NLGN1: variants seen among roughly 807,000 people sequenced by gnomAD.
The protein encoded by NLGN1 is neuroligin 1.
A neutral mutation model predicts 65.5 loss-of-function variants in NLGN1; 12 were observed. The observed-to-expected ratio is 0.18, with a 90% CI of 0.12 to 0.30. The LOEUF (loss-of-function observed/expected upper bound fraction) is 0.30, where lower values mean the gene tolerates loss of function less well. NLGN1 is among the 10% of genes least tolerant of loss of function. The pLI is 1.00. For synonymous variants in NLGN1, 350 were observed against 359.5 expected (o/e 0.97, Z 0.30); for missense variants, 750 against 1,007.1 (o/e 0.74, Z 3.46).
intron 4 of NLGN1, among the ~76,000 whole-genome samples, chr3:173,887,023 T>G (rs1276240163): frequency 6.6e-6 from 1 of 152,104 alleles, no homozygotes; most frequent in Non-Finnish European, 1.5e-5. Flanking sequence ...CCTTGAGATA[T>G]TCACCTTTCA....
intron 3 of NLGN1, among the ~76,000 whole-genome samples, chr3:173,787,251 G>C (rs1782137136): frequency 6.6e-6 from 1 of 152,056 alleles, no homozygotes; most frequent in Admixed American, 6.6e-5. Flanking sequence ...AAAGTCAACT[G>C]TATATTTTTA....
At chr3:173,831,667 GT>G (rs1174079387) in intron 4 of NLGN1, among the ~76,000 whole-genome samples, 1 of 152,172 alleles carries the variant, frequency 6.6e-6, no homozygotes, top group South Asian at 2.1e-4. Flanking sequence ...ACAGGAAGAT[GT>G]TTTTTTCATA....
At chr3:173,856,404 A>G (rs1306262855) in intron 4 of NLGN1, among the ~76,000 whole-genome samples, 1 of 152,160 alleles carries the variant, frequency 6.6e-6, no homozygotes, top group Non-Finnish European at 1.5e-5. Flanking sequence ...CTGAATGTTA[A>G]AAATCTGTAA....
intron 1 of NLGN1, among the ~76,000 whole-genome samples, chr3:173,407,501 TAA>T (rs1234954094): frequency 1.3e-5 from 2 of 152,244 alleles, no homozygotes; most frequent in African/African-American, 4.8e-5. Context: ...ATTCTGTATA[TAA>T]GTTACCATGA....
At chr3:173,574,062 C>CAA (rs1192427397) in intron 2 of NLGN1, among the ~76,000 whole-genome samples, 1,220 of 51,722 alleles carry the variant, frequency 0.024, 31 homozygotes, top group African/African-American at 0.055. Context: ...GACTCCACCT[C>CAA]AAAAAAAAAA....
At chr3:173,417,760 G>A (rs1577355627) in intron 1 of NLGN1, among the ~76,000 whole-genome samples, 2 of 151,818 alleles carry the variant, frequency 1.3e-5, no homozygotes, top group Admixed American at 1.3e-4. Flanking sequence ...AACAGATATT[G>A]TAATACAAAA....
chr3:173,448,978 G>A (rs554925692), intron 2 of NLGN1, among the ~76,000 whole-genome samples: 10 of 151,860 alleles, frequency 6.6e-5, no homozygotes, highest in East Asian at 5.8e-4. Flanking sequence ...TCTTGCCAGC[G>A]GTCTATCAAT....
chr3:174,149,099 G>T (rs1454260031), intron 4 of NLGN1, among the ~76,000 whole-genome samples: 2 of 152,166 alleles, frequency 1.3e-5, no homozygotes, highest in Non-Finnish European at 2.9e-5. Flanking sequence ...TAGAAAAGAA[G>T]TTCCTAAGGC....
intron 4 of NLGN1, among the ~76,000 whole-genome samples, chr3:174,119,737 T>G (rs1227209892): frequency 6.6e-6 from 1 of 152,218 alleles, no homozygotes. Flanking sequence ...CTTTAAGATT[T>G]ACCTCAATCA....
Position 173,446,031 on chromosome 3 carries a change from A to G in NLGN1, c.-321+10953A>G, listed in dbSNP as rs530699201. 1.0e-4 allele frequency among the ~76,000 whole-genome samples: 15 copies of G among 150,238 alleles called. No individual in the cohort carries two copies. The South Asian group carries it at 3.2e-3, about 32-fold the overall frequency. ...AAGCTATCAGATGCAAATTCCATTAATTTTCCTTCTTTTTTCTTTTCTTTT... is the reference window on the plus strand; with the variant it reads ...AAGCTATCAGATGCAAATTCCATTAGTTTTCCTTCTTTTTTCTTTTCTTTT... On this transcript the variant is annotated intron_variant, in intron 2 of 6. Transcript: ENST00000457714.
chr3:173,961,188 G>GT (rs913727597), intron 4 of NLGN1, among the ~76,000 whole-genome samples: 1 of 152,060 alleles, frequency 6.6e-6, no homozygotes, highest in Middle Eastern at 3.4e-3. Context: ...TACAGTATAT[G>GT]TTTTTTCCAG....
intron 4 of NLGN1, among the ~76,000 whole-genome samples, chr3:174,237,269 A>G (rs1180703228): frequency 1.3e-5 from 2 of 152,184 alleles, no homozygotes; most frequent in Non-Finnish European, 2.9e-5. Flanking sequence ...ATTAATATTT[A>G]TTTACAGCTT....
At chr3:173,844,813 G>T (rs1239030091) in intron 4 of NLGN1, among the ~76,000 whole-genome samples, 1 of 152,210 alleles carries the variant, frequency 6.6e-6, no homozygotes, top group Non-Finnish European at 1.5e-5. Flanking sequence ...TGAGCCTGTA[G>T]TGTGAGTTAC....
At chr3:173,998,841 C>T (rs560423669) in intron 4 of NLGN1, among the ~76,000 whole-genome samples, 2 of 152,308 alleles carry the variant, frequency 1.3e-5, no homozygotes, top group South Asian at 2.1e-4. Flanking sequence ...GAGCTCTGCA[C>T]ATTATTCACT....
chr3:173,806,843 C>T (rs1005669862), intron 3 of NLGN1, among the ~76,000 whole-genome samples: 3 of 152,024 alleles, frequency 2.0e-5, no homozygotes, highest in East Asian at 3.9e-4. Flanking sequence ...TCACTTGAAC[C>T]CTAAATCTTG....
At chr3:173,747,071 C>T (rs1467190446) in intron 3 of NLGN1, among the ~76,000 whole-genome samples, 17 of 148,016 alleles carry the variant, frequency 1.1e-4, no homozygotes, top group African/African-American at 2.8e-4. Context: ...CACACACACA[C>T]ACACACACAC....
intron 4 of NLGN1, among the ~76,000 whole-genome samples, chr3:174,129,929 G>A (rs1011217807): frequency 2.6e-5 from 4 of 152,160 alleles, no homozygotes; most frequent in Non-Finnish European, 5.9e-5. Context: ...CTGATAAGAC[G>A]ACGTTGTTCA....
intron 4 of NLGN1, among the ~76,000 whole-genome samples, chr3:173,836,424 A>AC (rs1723646480): frequency 6.6e-6 from 1 of 151,912 alleles, no homozygotes; most frequent in Non-Finnish European, 1.5e-5. Context: ...ACTACTACTA[A>AC]TAATAATAGT....
chr3:173,822,641 A>T (rs1247135526), intron 4 of NLGN1, among the ~76,000 whole-genome samples: 1 of 152,138 alleles, frequency 6.6e-6, no homozygotes, highest in Non-Finnish European at 1.5e-5. Flanking sequence ...ATCCCCAAGC[A>T]TTCTGGCTAA....
Sources: allele counts gnomAD v4.1 joint callset (sites outside exome capture counted in the v4.1 genomes callset), GRCh38; gene constraint gnomAD v4.1.1; transcripts MANE v1.5; gene names NCBI Gene and HGNC (gene_info 2026-07-23, HGNC 2026-07-21).